Variants in RARB observed in about 807,000 individuals in gnomAD.
The protein encoded by RARB is HBV-activated protein.
In RARB, 17 loss-of-function variants were observed where a neutral mutation model predicts 51.9. That is an observed-to-expected ratio of 0.33 (90% CI 0.22 to 0.49). RARB has a LOEUF of 0.49. Ranked by LOEUF, RARB falls within the 20% of genes least tolerant of loss-of-function variation. The pLI is 0.99. For missense variants in RARB, 369 were observed against 550.8 expected (o/e 0.67, Z 3.30); for synonymous variants, 215 against 195.4 (o/e 1.10, Z -0.84).
intron 2 of RARB, among the ~76,000 whole-genome samples, chr3:24,941,619 C>T (rs1246791531): frequency 6.6e-6 from 1 of 152,150 alleles, no homozygotes; most frequent in Non-Finnish European, 1.5e-5. Flanking sequence ...CCGCCCACCT[C>T]AGCCTCCCAA....
chr3:25,469,109 G>C (rs998324325), intron 2 of RARB, among the ~76,000 whole-genome samples: 1 of 152,218 alleles, frequency 6.6e-6, no homozygotes, highest in African/African-American at 2.4e-5. Context: ...ATCTGCCTTT[G>C]TTTTGCTAGC....
At chr3:25,013,361 T>G (rs9872920) in intron 2 of RARB, among the ~76,000 whole-genome samples, 18,367 of 152,092 alleles carry the variant, frequency 0.12, 1,384 homozygotes, top group African/African-American at 0.21. Flanking sequence ...CATGTTCTCT[T>G]CCATCACATA....
chr3:25,064,726 G>A (rs189928853), intron 3 of RARB, among the ~76,000 whole-genome samples: 10 of 152,258 alleles, frequency 6.6e-5, no homozygotes, highest in Non-Finnish European at 1.2e-4. Flanking sequence ...GCTAGAAAAT[G>A]ACAGAGCTCT....
intron 5 of RARB, among the ~76,000 whole-genome samples, chr3:25,228,435 T>TAAAATTTCAGTA (rs1399067295): frequency 2.6e-5 from 4 of 152,090 alleles, no homozygotes; most frequent in African/African-American, 9.7e-5. Context: ...TCAGTAATTT[T>TAAAATTTCAGTA]ATGGCTTTAT....
intron 5 of RARB, among the ~76,000 whole-genome samples, chr3:25,227,537 C>T (rs1383237765): frequency 1.3e-5 from 2 of 151,912 alleles, no homozygotes; most frequent in Non-Finnish European, 2.9e-5. Flanking sequence ...CATAAAATTC[C>T]TCTAGAAAGT....
intron 3 of RARB, among the ~76,000 whole-genome samples, chr3:25,513,443 A>C (rs956847505): frequency 6.6e-6 from 1 of 152,232 alleles, no homozygotes; most frequent in African/African-American, 2.4e-5. Context: ...ACGTGAACTT[A>C]AAGTGAAATA....
intron 5 of RARB, among the ~76,000 whole-genome samples, chr3:25,202,896 A>G (rs1701432895): frequency 6.6e-6 from 1 of 152,200 alleles, no homozygotes; most frequent in African/African-American, 2.4e-5. Context: ...TGGTGCTGAG[A>G]AGAATGTATA....
intron 3 of RARB, among the ~76,000 whole-genome samples, chr3:25,527,530 C>G (rs888159600): frequency 8.5e-5 from 13 of 152,150 alleles, no homozygotes; most frequent in African/African-American, 2.9e-4. Context: ...TGTCTGTGAA[C>G]TGGAGTTTCC....
At chr3:25,186,871 A>G (rs1241232274) in intron 5 of RARB, among the ~76,000 whole-genome samples, 1 of 149,616 alleles carries the variant, frequency 6.7e-6, no homozygotes, top group African/African-American at 2.5e-5. Context: ...GAAGACCCAA[A>G]GAAAAAGGTA....
chr3:25,335,051 G>A (rs1705024224), intron 5 of RARB, among the ~76,000 whole-genome samples: 1 of 152,154 alleles, frequency 6.6e-6, no homozygotes, highest in South Asian at 2.1e-4. Context: ...TTAGGTGGGG[G>A]TGTGAATTCC....
intron 3 of RARB, among the ~76,000 whole-genome samples, chr3:25,076,142 ATTTAT>A (rs993169711): frequency 2.2e-5 from 2 of 89,698 alleles, no homozygotes; most frequent in Non-Finnish European, 5.0e-5. Context: ...AGAAGCAGTT[ATTTAT>A]TTTTTTTTTT....
chr3:25,389,386 C>T (rs1289271038), intron 5 of RARB, among the ~76,000 whole-genome samples: 2 of 152,172 alleles, frequency 1.3e-5, no homozygotes, highest in East Asian at 3.9e-4. Flanking sequence ...ACAGCACCAT[C>T]ATTTGAGGGA....
At chr3:25,308,985 C>T (rs79456302) in intron 5 of RARB, among the ~76,000 whole-genome samples, 1,927 of 152,164 alleles carry the variant, frequency 0.013, 41 homozygotes, top group African/African-American at 0.043. Flanking sequence ...ATTTAATTCA[C>T]CTTTGGGGAA....
intron 5 of RARB, among the ~76,000 whole-genome samples, chr3:25,207,733 C>T (rs1296566065): frequency 6.6e-6 from 1 of 152,116 alleles, no homozygotes; most frequent in African/African-American, 2.4e-5. Flanking sequence ...TTAAGGTGCT[C>T]AGTAAATATT....
intron 5 of RARB, among the ~76,000 whole-genome samples, chr3:25,228,770 C>T (rs1305101281): frequency 6.6e-6 from 1 of 152,004 alleles, no homozygotes; most frequent in Non-Finnish European, 1.5e-5. Flanking sequence ...AGCACACATG[C>T]AGGAAGTAAG....
intron 4 of RARB, among the ~76,000 whole-genome samples, chr3:25,153,936 A>G (rs9852960): frequency 0.036 from 5,557 of 152,334 alleles, 314 homozygotes; most frequent in African/African-American, 0.12. Context: ...TCCTGTTGAC[A>G]TTTACTGAGG....
At chr3:25,148,763 A>G (rs1328898279) in intron 4 of RARB, among the ~76,000 whole-genome samples, 1 of 152,228 alleles carries the variant, frequency 6.6e-6, no homozygotes, top group Non-Finnish European at 1.5e-5. Context: ...ATGTGAAAAT[A>G]TATCTATCAC....
chr3:24,934,400 A>G (rs753407145), intron 2 of RARB, among the ~76,000 whole-genome samples: 1 of 152,118 alleles, frequency 6.6e-6, no homozygotes, highest in African/African-American at 2.4e-5. Context: ...TGTACTGTTC[A>G]GATGACTTCG....
intron 5 of RARB, among the ~76,000 whole-genome samples, chr3:25,282,854 T>C (rs1703559207): frequency 6.6e-6 from 1 of 152,216 alleles, no homozygotes; most frequent in South Asian, 2.1e-4. Context: ...CGATGGCTTC[T>C]GCTTCACTTC....
Sources: allele counts gnomAD v4.1 joint callset (sites outside exome capture counted in the v4.1 genomes callset), GRCh38; gene constraint gnomAD v4.1.1; transcripts MANE v1.5; gene names NCBI Gene and HGNC (gene_info 2026-07-23, HGNC 2026-07-21).